MID1: variants seen among roughly 807,000 people sequenced by gnomAD.
MID1 encodes E3 ubiquitin-protein ligase Midline-1.
MID1 carries 7 observed loss-of-function variants against 40.4 expected under a neutral mutation model. The observed-to-expected ratio is 0.17, with a 90% confidence interval of 0.10 to 0.33. MID1 has a LOEUF of 0.33. Ranked by LOEUF, MID1 falls within the 10% of genes least tolerant of loss-of-function variation. MID1 has a pLI of 1.00. For missense variants in MID1, 367 were observed against 558.5 expected (o/e 0.66, Z 3.46); for synonymous variants, 229 against 221.2 (o/e 1.04, Z -0.31).
intron 1 of MID1, among the ~76,000 whole-genome samples, chrX:10,784,016 T>A (rs1569169274): frequency 8.9e-6 from 1 of 111,838 alleles, no homozygotes; most frequent in African/African-American, 3.2e-5. Flanking sequence ...ATAAAAAATA[T>A]TTATTTTTTA....
intron 3 of MID1, among the ~76,000 whole-genome samples, chrX:10,518,522 C>T (rs766596175): frequency 1.3e-4 from 14 of 110,638 alleles, no homozygotes; most frequent in Admixed American, 8.7e-4. Flanking sequence ...CTGGCATCCT[C>T]CTTGGAAGCA....
At chrX:10,475,599 A>C (rs938156250) in intron 5 of MID1, among the ~76,000 whole-genome samples, 3 of 112,213 alleles carry the variant, frequency 2.7e-5, no homozygotes, top group African/African-American at 9.7e-5. Context: ...TGTGGCATGA[A>C]GCATACCATT....
At chrX:10,560,981 A>G (rs1350546953) in intron 2 of MID1, among the ~76,000 whole-genome samples, 1 of 107,000 alleles carries the variant, frequency 9.3e-6, no homozygotes, top group South Asian at 3.8e-4. Flanking sequence ...ACGAGGCTAC[A>G]GTAACCAAAA....
chrX:10,698,405 T>C (rs1476233571), intron 1 of MID1, among the ~76,000 whole-genome samples: 1 of 112,478 alleles, frequency 8.9e-6, no homozygotes, highest in African/African-American at 3.2e-5. Flanking sequence ...AGTTATGTCT[T>C]ATGCACAGCT....
At chrX:10,682,142 T>TA (rs1180916790) in intron 1 of MID1, among the ~76,000 whole-genome samples, 55 of 108,712 alleles carry the variant, frequency 5.1e-4, no homozygotes, top group African/African-American at 1.6e-3. Flanking sequence ...CCCATCTCAA[T>TA]AAAAAAAAAT....
intron 1 of MID1, among the ~76,000 whole-genome samples, chrX:10,704,910 C>T (rs942326708): frequency 1.8e-5 from 2 of 108,131 alleles, no homozygotes; most frequent in African/African-American, 3.4e-5. Context: ...ATCACAGGCA[C>T]GTGCCACCAC....
intron 6 of MID1, among the ~76,000 whole-genome samples, chrX:10,470,924 C>G (rs1929672721): frequency 8.9e-6 from 1 of 112,097 alleles, no homozygotes; most frequent in Admixed American, 9.4e-5. Context: ...AAGTCTGGCC[C>G]ACTGCCTGTT....
chrX:10,516,560 T>TTGTGTGTGTGTGTGTGTG (rs57101806), intron 3 of MID1, among the ~76,000 whole-genome samples: 2 of 73,365 alleles, frequency 2.7e-5, no homozygotes, highest in Admixed American at 1.6e-4. Flanking sequence ...TACTCTGCTC[T>TTGTGTGTGTGTGTGTGTG]TGTGTGTGTG....
intron 1 of MID1, among the ~76,000 whole-genome samples, chrX:10,822,908 G>A (rs1353273019): frequency 2.7e-5 from 3 of 112,124 alleles, no homozygotes; most frequent in African/African-American, 9.7e-5. Flanking sequence ...GTGGAAGACA[G>A]TGTGGCAATT....
intron 1 of MID1, among the ~76,000 whole-genome samples, chrX:10,601,336 C>T (rs1935515011): frequency 9.0e-6 from 1 of 111,340 alleles, no homozygotes; most frequent in Admixed American, 9.5e-5. Flanking sequence ...TTGTGTGGCC[C>T]ACAAGCTAAG....
chrX:10,495,347 G>T (rs767587024), intron 4 of MID1, among the ~76,000 whole-genome samples: 1 of 111,218 alleles, frequency 9.0e-6, no homozygotes, highest in Non-Finnish European at 1.9e-5. Context: ...ACCTCCTGGC[G>T]CTGGGCAATG....
chrX:10,637,321 T>G (rs1211100422), intron 1 of MID1, among the ~76,000 whole-genome samples: 1 of 110,567 alleles, frequency 9.0e-6, no homozygotes, highest in African/African-American at 3.3e-5. Flanking sequence ...TATGTATTTT[T>G]TTTTTTAGTA....
chrX:10,568,453 C>T (rs1331326065), intron 1 of MID1, among the ~76,000 whole-genome samples: 1 of 111,516 alleles, frequency 9.0e-6, no homozygotes, highest in East Asian at 2.8e-4. Context: ...TCATCATATT[C>T]ATGTGATAAG....
chrX:10,592,276 A>T (rs904278278), intron 1 of MID1, among the ~76,000 whole-genome samples: 40 of 3,252 alleles, frequency 0.012, 1 homozygote, highest in Non-Finnish European at 0.029. Context: ...GACTGCGTTA[A>T]AAAAAAAAAA....
chrX:10,461,861 G>A (rs1929063417), intron 7 of MID1, among the ~76,000 whole-genome samples: 1 of 111,834 alleles, frequency 8.9e-6, no homozygotes, highest in Non-Finnish European at 1.9e-5. Flanking sequence ...AATGACTATT[G>A]TGGTCAAAGA....
rs1279615920 is a variant in MID1 at position 10,772,068 on chromosome X, G to A, written c.-187+61486C>T. 6.3e-5 allele frequency among the ~76,000 whole-genome samples: 7 copies of A among 110,518 alleles called. No homozygotes were observed. The East Asian group carries it at 1.7e-3, about 27-fold the overall frequency. On this transcript the variant is annotated intron_variant, in intron 1 of 10. Transcript: ENST00000380785. ...ACGCATGTTTATAGCAGCACAATTC[G>A]CAATTGCAAAAATGTGGAACCAACC... is the stretch of plus-strand genomic sequence containing the variant.
intron 1 of MID1, among the ~76,000 whole-genome samples, chrX:10,768,074 G>T (rs2043743174): frequency 9.0e-6 from 1 of 111,533 alleles, no homozygotes. Flanking sequence ...TTATAAATGA[G>T]AGCAATTGTT....
At chrX:10,793,243 G>T (rs2043945665) in intron 1 of MID1, among the ~76,000 whole-genome samples, 1 of 112,389 alleles carries the variant, frequency 8.9e-6, no homozygotes, top group Admixed American at 9.4e-5. Flanking sequence ...GATTATTGCT[G>T]GGTGTGGACT....
chrX:10,615,028 A>C (rs1215860089), intron 1 of MID1, among the ~76,000 whole-genome samples: 1 of 112,177 alleles, frequency 8.9e-6, no homozygotes, highest in Non-Finnish European at 1.9e-5. Context: ...TAATTATGAG[A>C]AATCTGCTTT....
Sources: gnomAD v4.1 joint callset for allele counts (sites outside exome capture counted in the v4.1 genomes callset) on GRCh38, gnomAD v4.1.1 for gene constraint, MANE v1.5 for transcripts, NCBI Gene and HGNC (gene_info 2026-07-23, HGNC 2026-07-21) for gene names.